Variants in GUCY1A2 observed in about 807,000 individuals in gnomAD.
The protein encoded by GUCY1A2 is guanylate cyclase 1 soluble subunit alpha 2.
Under a neutral mutation model 63.5 loss-of-function variants are expected in GUCY1A2, and 27 were observed. The observed-to-expected ratio is 0.43, with a 90% CI of 0.31 to 0.59. GUCY1A2 has a LOEUF of 0.59. Among genes scored for constraint, GUCY1A2 ranks in the 20% least tolerant of loss-of-function variants. The pLI is 0.11. For synonymous variants in GUCY1A2, 364 were observed against 343.5 expected, an observed-to-expected ratio of 1.06 and a Z score of -0.66; for missense variants, 768 against 913.3, an observed-to-expected ratio of 0.84 and a Z score of 2.05.
chr11:106,955,496 T>G (rs183581803), intron 3 of GUCY1A2, among the ~76,000 whole-genome samples: 1 of 152,228 alleles, frequency 6.6e-6, no homozygotes, highest in African/African-American at 2.4e-5. Context: ...AGGGCAGGAC[T>G]GGTGGTAATG....
chr11:106,842,867 G>A (rs1859219596), intron 4 of GUCY1A2, among the ~76,000 whole-genome samples: 1 of 151,948 alleles, frequency 6.6e-6, no homozygotes, highest in Non-Finnish European at 1.5e-5. Flanking sequence ...CTGATTCCTG[G>A]ACCACACTTT....
chr11:106,856,044 G>A (rs1859428760), intron 4 of GUCY1A2, among the ~76,000 whole-genome samples: 1 of 151,510 alleles, frequency 6.6e-6, no homozygotes, highest in Non-Finnish European at 1.5e-5. Flanking sequence ...TCCCACCTCA[G>A]CCTCCCAAGT....
rs541780684 is a variant in GUCY1A2 at position 106,796,680 on chromosome 11, C to T, written c.1692+13313G>A. ...GATGGGCTTCCCTTTGTGGGTAACC[C>T]GACCTTTATCTCTGGCTGCCCTTAA... On this transcript the variant is annotated intron_variant, in intron 5 of 7. Transcript: ENST00000526355. Among the ~76,000 whole-genome samples, 5 of 152,222 alleles carry T rather than the reference C, an allele frequency of 3.3e-5. No homozygotes were observed. In the South Asian group the frequency reaches 6.2e-4, roughly 19 times the overall value.
chr11:106,878,688 T>A (rs948415262), intron 4 of GUCY1A2, among the ~76,000 whole-genome samples: 1 of 149,964 alleles, frequency 6.7e-6, no homozygotes, highest in African/African-American at 2.5e-5. Context: ...CTAGGCCTAA[T>A]ACATGGTCAA....
intron 4 of GUCY1A2, among the ~76,000 whole-genome samples, chr11:106,882,747 A>C: frequency 6.6e-6 from 1 of 152,030 alleles, no homozygotes; most frequent in East Asian, 1.9e-4. Flanking sequence ...ATTGCCATCA[A>C]AATGTGTCCC....
chr11:106,944,621 C>T (rs1178322986), intron 3 of GUCY1A2, among the ~76,000 whole-genome samples: 2 of 152,112 alleles, frequency 1.3e-5, no homozygotes, highest in Admixed American at 1.3e-4. Flanking sequence ...AACAAACCTG[C>T]ACATGTACCC....
At chr11:106,696,288 T>C (rs1271058775) in intron 7 of GUCY1A2, among the ~76,000 whole-genome samples, 1 of 152,160 alleles carries the variant, frequency 6.6e-6, no homozygotes, top group Non-Finnish European at 1.5e-5. Context: ...CATGCAAAAG[T>C]TTGATATGTC....
intron 4 of GUCY1A2, among the ~76,000 whole-genome samples, chr11:106,865,725 A>G (rs1859583169): frequency 6.6e-6 from 1 of 151,858 alleles, no homozygotes; most frequent in Admixed American, 6.6e-5. Flanking sequence ...GGTACAGCAA[A>G]ACACCATGGC....
intron 6 of GUCY1A2, among the ~76,000 whole-genome samples, chr11:106,730,381 T>A (rs959082145): frequency 6.6e-6 from 1 of 151,940 alleles, no homozygotes; most frequent in African/African-American, 2.4e-5. Flanking sequence ...GGTTTTCTGT[T>A]CCTGTGTTAG....
At chr11:106,826,960 A>G in intron 4 of GUCY1A2, 2 of 1,610,860 alleles carry the variant, frequency 1.2e-6, no homozygotes, top group Non-Finnish European at 1.7e-6. Context: ...ACTGACAATG[A>G]AATCGCAGCC....
At chr11:106,916,251 A>G (rs1860368359) in intron 4 of GUCY1A2, among the ~76,000 whole-genome samples, 1 of 145,638 alleles carries the variant, frequency 6.9e-6, no homozygotes, top group Admixed American at 6.8e-5. Context: ...AATCCTGTCT[A>G]TTAGTTGTTC....
chr11:106,743,544 A>G (rs969143433), intron 6 of GUCY1A2, among the ~76,000 whole-genome samples: 3 of 152,182 alleles, frequency 2.0e-5, no homozygotes, highest in African/African-American at 7.2e-5. Context: ...CTGTCACTCA[A>G]TTACCCTCCA....
chr11:106,698,551 C>A lies in GUCY1A2; in HGVS notation c.1991+9961G>T, dbSNP rs143451659. 1.9e-3 allele frequency among the ~76,000 whole-genome samples: 293 copies of A among 152,196 alleles called. 1 individual carries two copies. The highest frequency in any genetic ancestry group is 5.8e-3 in the African/African-American group (240 of 41,516). On this transcript the variant is annotated intron_variant, in intron 7 of 7. Coordinates refer to ENST00000526355, the MANE Select transcript of GUCY1A2 (RefSeq NM_000855.3). ...AGTATAGTTCTGCAAGAAGTGAGTTCTCTTATATTCTTTACTCAATTTCAT... is the reference window on the plus strand; with the variant it reads ...AGTATAGTTCTGCAAGAAGTGAGTTATCTTATATTCTTTACTCAATTTCAT...
At chr11:106,935,087 C>T (rs1281785146) in intron 4 of GUCY1A2, among the ~76,000 whole-genome samples, 1 of 152,122 alleles carries the variant, frequency 6.6e-6, no homozygotes, top group African/African-American at 2.4e-5. Flanking sequence ...CCAAACAGAG[C>T]TCCTATAGAA....
At chr11:106,760,126 C>T (rs966439793) in intron 6 of GUCY1A2, among the ~76,000 whole-genome samples, 5 of 152,096 alleles carry the variant, frequency 3.3e-5, no homozygotes, top group East Asian at 1.9e-4. Flanking sequence ...ACGTTGATCT[C>T]GGGATTCTAG....
At chr11:106,752,566 G>A (rs1863900775) in intron 6 of GUCY1A2, among the ~76,000 whole-genome samples, 1 of 151,864 alleles carries the variant, frequency 6.6e-6, no homozygotes, top group African/African-American at 2.4e-5. Flanking sequence ...CTGTGCCCAT[G>A]TGTTCTCATT....
intron 4 of GUCY1A2, among the ~76,000 whole-genome samples, chr11:106,925,157 AAGAGAG>A (rs551963613): frequency 7.3e-5 from 11 of 151,560 alleles, no homozygotes; most frequent in African/African-American, 1.7e-4. Context: ...AAGTTTTCAA[AAGAGAG>A]AGAGAGAGAC....
rs1274251052 is a variant in GUCY1A2, at chr11:106,925,197, G to C, written c.1206+14263C>G. On this transcript the variant is annotated intron_variant, in intron 4 of 7. Transcript: ENST00000526355. Reference sequence around the variant, plus strand: ...ACAGAGAGAAAGAAAGACAGAGAGAGAGGAGAAAGAGAGAGAGAGATTTCA... The same window carrying C: ...ACAGAGAGAAAGAAAGACAGAGAGACAGGAGAAAGAGAGAGAGAGATTTCA... Among the ~76,000 whole-genome samples, 3 of 151,968 alleles carry C rather than the reference G, an allele frequency of 2.0e-5. No homozygotes were observed. In the East Asian group the frequency reaches 5.8e-4, roughly 29 times the overall value.
chr11:106,734,856 G>A (rs1418942979), intron 6 of GUCY1A2, among the ~76,000 whole-genome samples: 2 of 152,078 alleles, frequency 1.3e-5, no homozygotes, highest in Non-Finnish European at 1.5e-5. Flanking sequence ...CAATCACTAG[G>A]ACCCATGGTC....
Sources: allele counts gnomAD v4.1 joint callset (sites outside exome capture counted in the v4.1 genomes callset), GRCh38; gene constraint gnomAD v4.1.1; transcripts MANE v1.5; gene names NCBI Gene and HGNC (gene_info 2026-07-23, HGNC 2026-07-21).